The following NIBAN2 variants were observed in gnomAD, a reference collection of about 807,000 sequenced individuals.
NIBAN2 encodes the protein niban apoptosis regulator 2, also known as protein Niban 2.
In NIBAN2, 36 loss-of-function variants were observed where a neutral mutation model predicts 81.8. That is an observed-to-expected ratio of 0.44 (90% confidence interval 0.34 to 0.58). The LOEUF (loss-of-function observed/expected upper bound fraction) is 0.58, where lower values mean the gene tolerates loss of function less well. Among genes scored for constraint, NIBAN2 ranks in the 20% least tolerant of loss-of-function variants. The pLI is 0.02. For synonymous variants in NIBAN2, 445 were observed against 441.6 expected (o/e 1.01, Z -0.10); for missense variants, 897 against 1,014.1 (o/e 0.88, Z 1.57).
intron 2 of NIBAN2, among the ~76,000 whole-genome samples, chr9:127,531,279 T>C (rs753301539): frequency 2.0e-5 from 3 of 151,764 alleles, no homozygotes; most frequent in Admixed American, 2.0e-4. Context: ...GGTCAGGAGT[T>C]TGAGACCAGC....
intron 1 of NIBAN2, among the ~76,000 whole-genome samples, chr9:127,578,490 T>C (rs556586488): frequency 7.9e-5 from 12 of 151,036 alleles, no homozygotes; most frequent in African/African-American, 2.4e-4. Flanking sequence ...CGTGAAACCG[T>C]CTCTACTAAA....
chr9:127,538,751 C>G (rs971659932), intron 1 of NIBAN2, among the ~76,000 whole-genome samples: 1 of 151,474 alleles, frequency 6.6e-6, no homozygotes, highest in Admixed American at 6.6e-5. Flanking sequence ...TTGAGACCAG[C>G]CTGGCCAACA....
intron 2 of NIBAN2, among the ~76,000 whole-genome samples, chr9:127,530,165 C>T (rs946048973): frequency 3.9e-5 from 6 of 152,242 alleles, no homozygotes; most frequent in South Asian, 2.1e-4. Flanking sequence ...CTGCCAGACA[C>T]CCAGGCCGGG....
At chr9:127,510,016 G>A in intron 9 of NIBAN2, 130 bp downstream of exon 9, 1 of 823,360 alleles carries the variant, frequency 1.2e-6, no homozygotes, top group Non-Finnish European at 1.9e-6. Flanking sequence ...CTAGTCCCCA[G>A]CAGCCCCTCC....
In NIBAN2 at chr9:127,559,478, C is replaced by T. The variant is rs1031772242; in HGVS notation, c.55+9342G>A. On this transcript the variant is annotated intron_variant, in intron 1 of 13. Coordinates refer to ENST00000373312, the MANE Select transcript of NIBAN2 (RefSeq NM_022833.4). The surrounding 1 kb of genome is among the most constrained non-coding windows in gnomAD (Gnocchi z 4.0). Reference sequence around the variant, plus strand: ...GGGAGCCTGCCTCCTAGCCCGCACCCACCAGTGGTTCCTGGCAGGTGGAAT... The same window carrying T: ...GGGAGCCTGCCTCCTAGCCCGCACCTACCAGTGGTTCCTGGCAGGTGGAAT... 1.3e-5 allele frequency among the ~76,000 whole-genome samples: 2 copies of T among 152,242 alleles called. No homozygotes were observed. Among genetic ancestry groups the T allele is most frequent in the Non-Finnish European group, 2.9e-5 (2 of 68,052 alleles).
intron 5 of NIBAN2, among the ~76,000 whole-genome samples, chr9:127,519,643 GCCCTCATCCCTACA>G: frequency 6.6e-6 from 1 of 152,240 alleles, no homozygotes; most frequent in Admixed American, 6.5e-5. Context: ...GGGAGGCCCA[GCCCTCATCCCTACA>G]GCGCAGCTGC....
At position 127,528,733 on chromosome 9, in the gene NIBAN2, GCTGCCCTCAGCCGTCTATGTATAAA is replaced by G. The variant is rs549149162; in HGVS notation, c.187-1436_187-1412del. ...CAGTGGGCTTTGCCCAAGTCACAGA[GCTGCCCTCAGCCGTCTATGTATAAA>G]CTGCCCACACCCAGCTCAAATCCCT... On this transcript the variant is annotated intron_variant, in intron 2 of 13. Transcript: ENST00000373312. 2.6e-4 allele frequency among the ~76,000 whole-genome samples: 40 copies of G among 152,350 alleles called. 1 individual carries two copies. In the East Asian group the frequency reaches 5.8e-3, roughly 22 times the overall value.
At chr9:127,511,249 T>C (rs1836731202) in intron 8 of NIBAN2, among the ~76,000 whole-genome samples, 1 of 152,120 alleles carries the variant, frequency 6.6e-6, no homozygotes, top group African/African-American at 2.4e-5. Flanking sequence ...GGTTTCACCA[T>C]ATTGGCCAGG....
At position 127,545,649 on chromosome 9, in the gene NIBAN2, C is replaced by G. The variant is rs1837457763; in HGVS notation, c.56-13871G>C. On this transcript the variant is annotated intron_variant, in intron 1 of 13. Coordinates refer to ENST00000373312, the MANE Select transcript of NIBAN2 (RefSeq NM_022833.4). This position sits in a 1 kb window ranked among gnomAD's most constrained non-coding sequence, Gnocchi z 4.7. ...GGCAAATATTTAACCAGGGCTGGGC[C>G]ACAACAGGTCTGGTGGGGAAGGGTG... Among the ~76,000 whole-genome samples the G allele has an allele frequency of 6.6e-6, 1 of 152,094 alleles. No homozygotes were observed. The highest frequency in any genetic ancestry group is 1.5e-5 in the Non-Finnish European group (1 of 68,018).
At chr9:127,576,216 A>G (rs1450588469) in intron 1 of NIBAN2, among the ~76,000 whole-genome samples, 1 of 152,086 alleles carries the variant, frequency 6.6e-6, no homozygotes, top group African/African-American at 2.4e-5. Flanking sequence ...GGGACCTCAC[A>G]GGTTTGTTCA....
intron 3 of NIBAN2, among the ~76,000 whole-genome samples, chr9:127,525,702 C>T (rs1342076556): frequency 6.6e-6 from 1 of 152,176 alleles, no homozygotes; most frequent in Admixed American, 6.5e-5. Context: ...AGGCCCTGTG[C>T]TAAGGGCATT....
rs375926749 is a variant in NIBAN2 at position 127,508,066 on chromosome 9, C to T, written c.1542+27G>A. 38 of 1,611,736 alleles carry T rather than the reference C, an allele frequency of 2.4e-5. No individual in the cohort carries two copies. The highest frequency in any genetic ancestry group is 1.6e-4 in the South Asian group (15 of 91,044). On this transcript the variant is annotated intron_variant, in intron 12 of 13. Coordinates refer to ENST00000373312, the MANE Select transcript of NIBAN2 (RefSeq NM_022833.4). The surrounding 1 kb of genome is among the most constrained non-coding windows in gnomAD (Gnocchi z 6.4). ...TCCATCCCCCAACTTAGGGCCCAAACGGCTGGAGCAGGTGGGGGCTGCTCA... is the reference window on the plus strand; with the variant it reads ...TCCATCCCCCAACTTAGGGCCCAAATGGCTGGAGCAGGTGGGGGCTGCTCA...
intron 1 of NIBAN2, among the ~76,000 whole-genome samples, chr9:127,555,946 G>A (rs1260320269): frequency 6.6e-6 from 1 of 152,060 alleles, no homozygotes; most frequent in Non-Finnish European, 1.5e-5. Context: ...GCCCTGGGTG[G>A]GCCCTCAGTG....
chr9:127,530,888 T>C (rs74796731), intron 2 of NIBAN2, among the ~76,000 whole-genome samples: 8,768 of 151,990 alleles, frequency 0.058, 335 homozygotes, highest in Non-Finnish European at 0.087. Context: ...TATTCAGAAG[T>C]GGGAAGGAGG....
At chr9:127,509,900 C>T in intron 9 of NIBAN2, 1 of 302,542 alleles carries the variant, frequency 3.3e-6, no homozygotes, top group Non-Finnish European at 6.1e-6. Context: ...ATTTTAGCAC[C>T]ACTCTTGGTT....
At chr9:127,514,932 G>A (rs960756540) in intron 8 of NIBAN2, among the ~76,000 whole-genome samples, 9 of 152,208 alleles carry the variant, frequency 5.9e-5, no homozygotes, top group Non-Finnish European at 1.3e-4. Context: ...GGGAGGCTGA[G>A]GCAGGAGGAT....
In NIBAN2 at chr9:127,507,028, G is replaced by A. The variant is rs764486451; in HGVS notation, c.2058C>T (p.Ala686=). 34 of 1,587,000 alleles carry A rather than the reference G, an allele frequency of 2.1e-5. No individual in the cohort carries two copies. The highest frequency in any genetic ancestry group is 2.6e-5 in the Non-Finnish European group (30 of 1,165,490). ...APAGESPQPK[A]APEASSPPAS... ...CAGGCGGCGAGGAGGCCTCGGGGGC[G>A]GCCTTAGGCTGGGGACTCTCCCCAG... Residue 686 remains alanine, a synonymous_variant, in exon 14 of 14, where the codon GCC becomes GCT. Coordinates refer to ENST00000373312, the MANE Select transcript of NIBAN2 (RefSeq NM_022833.4). This position sits in a 1 kb window ranked among gnomAD's most constrained non-coding sequence, Gnocchi z 6.8.
chr9:127,554,548 C>CTTTTCTTTTTTTTTTTTTTTT (rs1837632614), intron 1 of NIBAN2, among the ~76,000 whole-genome samples: 1 of 103,706 alleles, frequency 9.6e-6, no homozygotes. Context: ...TTTTCTTTTT[C>CTTTTCTTTTTTTTTTTTTTTT]TTTTTTTTTT....
intron 1 of NIBAN2, among the ~76,000 whole-genome samples, chr9:127,557,788 C>G (rs1172745736): frequency 1.3e-5 from 2 of 152,222 alleles, no homozygotes; most frequent in African/African-American, 2.4e-5. Flanking sequence ...TTTCTGAGAT[C>G]CCAGTTGGCC....
Sources: allele counts gnomAD v4.1 joint callset (sites outside exome capture counted in the v4.1 genomes callset), GRCh38; gene constraint gnomAD v4.1.1; non-coding constraint Gnocchi (gnomAD v3.1); transcripts MANE v1.5; gene names NCBI Gene and HGNC (gene_info 2026-07-23, HGNC 2026-07-21).